Variants in NELL1 observed in about 807,000 individuals in gnomAD.
NELL1 encodes protein kinase C-binding protein NELL1.
Under a neutral mutation model 107.4 loss-of-function variants are expected in NELL1, and 76 were observed. The observed-to-expected ratio is 0.71, with a 90% CI of 0.59 to 0.86. The LOEUF (loss-of-function observed/expected upper bound fraction) is 0.86. Ranked by LOEUF, NELL1 falls within the 40% of genes least tolerant of loss-of-function variation. The pLI, the probability that NELL1 is intolerant of heterozygous loss-of-function variation, is 0.00. For synonymous variants in NELL1, 353 were observed against 341.2 expected (o/e 1.03, Z -0.38); for missense variants, 1,024 against 1,005.5 (o/e 1.02, Z -0.25).
At chr11:20,969,679 A>G (rs1234339476) in intron 12 of NELL1, among the ~76,000 whole-genome samples, 1 of 152,000 alleles carries the variant, frequency 6.6e-6, no homozygotes, top group Non-Finnish European at 1.5e-5. Flanking sequence ...CAAAGCAAAA[A>G]ACATTGAAAT....
At chr11:20,888,913 C>T (rs1298419007) in intron 5 of NELL1, among the ~76,000 whole-genome samples, 1 of 152,152 alleles carries the variant, frequency 6.6e-6, no homozygotes, top group East Asian at 1.9e-4. Context: ...TACATGTCAT[C>T]CCTGGGATTC....
chr11:21,518,559 G>A lies in NELL1; in HGVS notation c.1646-15815G>A, dbSNP rs544388706. ...CAAATTGTATTCCTCCTTTTAAGCC[G>A]GAAAATAAAGCATCATTCAGAATAG... On this transcript the variant is annotated intron_variant, in intron 15 of 19. Coordinates refer to ENST00000357134, the MANE Select transcript of NELL1 (RefSeq NM_006157.5). Among the ~76,000 whole-genome samples the A allele has an allele frequency of 3.9e-5, 6 of 152,180 alleles. No individual in the cohort carries two copies. In the South Asian group the frequency reaches 1.0e-3, roughly 26 times the overall value.
chr11:21,053,103 G>T (rs1204560027), intron 12 of NELL1, among the ~76,000 whole-genome samples: 1 of 152,110 alleles, frequency 6.6e-6, no homozygotes, highest in Non-Finnish European at 1.5e-5. Flanking sequence ...GCTGGAACTG[G>T]TCTGTGTTAG....
chr11:21,248,684 A>G (rs1382666329), intron 14 of NELL1, among the ~76,000 whole-genome samples: 1 of 152,142 alleles, frequency 6.6e-6, no homozygotes, highest in Non-Finnish European at 1.5e-5. Flanking sequence ...CCTGCTGCTA[A>G]ATGTTTCTCG....
chr11:21,241,562 A>G (rs1378418821), intron 14 of NELL1, among the ~76,000 whole-genome samples: 1 of 152,118 alleles, frequency 6.6e-6, no homozygotes, highest in Non-Finnish European at 1.5e-5. Context: ...TTTTAAGGCA[A>G]CAAAGGATAA....
chr11:21,507,644 C>A (rs76448951), intron 15 of NELL1, among the ~76,000 whole-genome samples: 26,795 of 149,820 alleles, frequency 0.18, 2,449 homozygotes, highest in East Asian at 0.29. Flanking sequence ...AGAATGTATG[C>A]AGTTAGGAAA....
chr11:21,185,213 A>G (rs1856908158), intron 13 of NELL1, among the ~76,000 whole-genome samples: 1 of 151,772 alleles, frequency 6.6e-6, no homozygotes, highest in African/African-American at 2.4e-5. Flanking sequence ...TGTTATAAAT[A>G]AACAGCCCAA....
chr11:21,244,140 T>G (rs1465796842), intron 14 of NELL1, among the ~76,000 whole-genome samples: 1 of 152,154 alleles, frequency 6.6e-6, no homozygotes, highest in African/African-American at 2.4e-5. Flanking sequence ...ATGAGTAACA[T>G]TCATTAAACT....
intron 12 of NELL1, among the ~76,000 whole-genome samples, chr11:21,108,977 T>C (rs1333632377): frequency 6.6e-6 from 1 of 152,034 alleles, no homozygotes; most frequent in African/African-American, 2.4e-5. Flanking sequence ...AGCATCAAAA[T>C]GTTATTGAGT....
chr11:20,787,696 A>G (rs1856996087), intron 3 of NELL1, among the ~76,000 whole-genome samples: 1 of 152,228 alleles, frequency 6.6e-6, no homozygotes, highest in African/African-American at 2.4e-5. Flanking sequence ...ATTTGAAACA[A>G]TTGGGATGTG....
chr11:21,379,263 T>C (rs1851554489), intron 15 of NELL1, among the ~76,000 whole-genome samples: 1 of 151,982 alleles, frequency 6.6e-6, no homozygotes, highest in East Asian at 1.9e-4. Flanking sequence ...ACTACCCAAG[T>C]TGTAGGCTAG....
intron 14 of NELL1, among the ~76,000 whole-genome samples, chr11:21,340,545 A>G (rs1850539029): frequency 1.3e-5 from 2 of 150,772 alleles, no homozygotes; most frequent in South Asian, 4.2e-4. Context: ...AAATAAGGTC[A>G]TTGCAGATAT....
Position 20,898,412 on chromosome 11 carries a change from G to A in NELL1, c.603+12872G>A, listed in dbSNP as rs185129551. On this transcript the variant is annotated intron_variant, in intron 5 of 19. Transcript: ENST00000357134. ...AGGAAGGGGAATATCACACACCAGG[G>A]CCTGTCATGGGGTGGGGGGAAGGGG... Among the ~76,000 whole-genome samples the A allele has an allele frequency of 7.4e-3, 1,119 of 152,008 alleles. 14 individuals carry two copies. The highest frequency in any genetic ancestry group is 0.026 in the African/African-American group (1,076 of 41,394).
At chr11:20,847,552 A>G in intron 3 of NELL1, 31 bp from the exon 4 acceptor site, 3 of 1,600,554 alleles carry the variant, frequency 1.9e-6, no homozygotes, top group Non-Finnish European at 2.6e-6. Flanking sequence ...CAGAACTAAA[A>G]TAAAACAAAT....
At chr11:20,774,396 C>T (rs1379148608) in intron 2 of NELL1, among the ~76,000 whole-genome samples, 1 of 144,156 alleles carries the variant, frequency 6.9e-6, no homozygotes, top group Non-Finnish European at 1.5e-5. Context: ...CTTTTCTTTT[C>T]CTTTCTTTCT....
intron 3 of NELL1, among the ~76,000 whole-genome samples, chr11:20,846,254 T>C (rs1848699570): frequency 6.6e-6 from 1 of 152,192 alleles, no homozygotes; most frequent in South Asian, 2.1e-4. Flanking sequence ...CTGTTTACTT[T>C]GGAAAGATCT....
At chr11:21,092,461 A>T (rs1854543464) in intron 12 of NELL1, among the ~76,000 whole-genome samples, 1 of 152,200 alleles carries the variant, frequency 6.6e-6, no homozygotes, top group Admixed American at 6.5e-5. Context: ...AAATGAGTTA[A>T]TACATGTAAA....
intron 13 of NELL1, among the ~76,000 whole-genome samples, chr11:21,155,081 A>G (rs567989727): frequency 2.0e-5 from 3 of 152,296 alleles, no homozygotes; most frequent in African/African-American, 4.8e-5. Flanking sequence ...TAGATTTGAT[A>G]TAAGGTAGAG....
intron 13 of NELL1, among the ~76,000 whole-genome samples, chr11:21,136,415 A>G (rs185348061): frequency 2.0e-4 from 30 of 152,350 alleles, no homozygotes; most frequent in Admixed American, 1.1e-3. Flanking sequence ...TTATTCAACT[A>G]TAGCAGTGGT....
Sources: gnomAD v4.1 joint callset for allele counts (sites outside exome capture counted in the v4.1 genomes callset) on GRCh38, gnomAD v4.1.1 for gene constraint, MANE v1.5 for transcripts, NCBI Gene and HGNC (gene_info 2026-07-23, HGNC 2026-07-21) for gene names.